The following C1orf21 variants were observed in gnomAD, a reference collection of about 807,000 sequenced individuals.
C1orf21 encodes chromosome 1 open reading frame 21.
A neutral mutation model predicts 18.7 loss-of-function variants in C1orf21; 3 were observed. The ratio of observed to expected loss-of-function variants is 0.16; its 90% CI spans 0.07 to 0.42. C1orf21 has a LOEUF of 0.42. C1orf21 is among the 10% of genes least tolerant of loss of function. C1orf21 has a pLI of 0.99. For missense variants in C1orf21, 104 were observed against 143.6 expected (o/e 0.72, Z 1.41); for synonymous variants, 41 against 46.4 (o/e 0.88, Z 0.47).
chr1:184,455,973 A>G (rs1657192052), intron 1 of C1orf21, among the ~76,000 whole-genome samples: 2 of 152,216 alleles, frequency 1.3e-5, no homozygotes, highest in South Asian at 4.1e-4. Flanking sequence ...TCATGTGAGT[A>G]TACAGTTGTA....
At chr1:184,612,230 C>G (rs1269579351) in intron 5 of C1orf21, among the ~76,000 whole-genome samples, 1 of 152,194 alleles carries the variant, frequency 6.6e-6, no homozygotes, top group African/African-American at 2.4e-5. Flanking sequence ...CCTGCTTTAT[C>G]ACAAGCATAA....
intron 3 of C1orf21, among the ~76,000 whole-genome samples, chr1:184,552,106 G>GC (rs1420901730): frequency 2.0e-5 from 3 of 152,046 alleles, no homozygotes; most frequent in African/African-American, 7.3e-5. Flanking sequence ...GATAAATACT[G>GC]CCCAGGAATA....
rs892689469 is a variant in C1orf21 at position 184,505,133 on chromosome 1, G to A, written c.95-2455G>A. 6.6e-5 allele frequency among the ~76,000 whole-genome samples: 10 copies of A among 151,784 alleles called. No homozygotes were observed. In the South Asian group the frequency reaches 1.5e-3, roughly 22 times the overall value. On this transcript the variant is annotated intron_variant, in intron 2 of 5. Transcript: ENST00000235307. ...TGCACTAGTCTGTGGCTTGGCAGAC[G>A]GGAGAGGACAGTGGGCAAGTGCAAG...
chr1:184,397,591 G>GAAA (rs140571615), intron 1 of C1orf21, among the ~76,000 whole-genome samples: 5 of 148,470 alleles, frequency 3.4e-5, no homozygotes, highest in Non-Finnish European at 6.0e-5. Context: ...GTCTGAAAAA[G>GAAA]AAAAAAAAAC....
chr1:184,559,502 C>T (rs978409439), intron 3 of C1orf21, among the ~76,000 whole-genome samples: 15 of 110,564 alleles, frequency 1.4e-4, no homozygotes, highest in Non-Finnish European at 2.2e-4. Flanking sequence ...TTCCTTCCTT[C>T]CCCCCTTCCT....
intron 3 of C1orf21, among the ~76,000 whole-genome samples, chr1:184,548,736 G>A (rs185829846): frequency 7.2e-5 from 11 of 152,230 alleles, no homozygotes; most frequent in African/African-American, 2.6e-4. Flanking sequence ...TTTGGAGAAG[G>A]AACTAAAGTA....
At chr1:184,448,446 C>T (rs1657067044) in intron 1 of C1orf21, among the ~76,000 whole-genome samples, 1 of 152,214 alleles carries the variant, frequency 6.6e-6, no homozygotes, top group South Asian at 2.1e-4. Context: ...TGCTGGAATC[C>T]TTGGGTGCTA....
At chr1:184,413,534 A>G (rs1656394597) in intron 1 of C1orf21, among the ~76,000 whole-genome samples, 1 of 152,202 alleles carries the variant, frequency 6.6e-6, no homozygotes, top group African/African-American at 2.4e-5. Context: ...GACCAGCTAT[A>G]GAGGTTGGCA....
intron 1 of C1orf21, among the ~76,000 whole-genome samples, chr1:184,468,111 T>C (rs1454080045): frequency 6.6e-6 from 1 of 152,192 alleles, no homozygotes; most frequent in East Asian, 1.9e-4. Context: ...GTTTTATGTT[T>C]ACTTTTTTTG....
chr1:184,611,856 A>G (rs1276095160), intron 5 of C1orf21, among the ~76,000 whole-genome samples: 2 of 152,178 alleles, frequency 1.3e-5, no homozygotes, highest in African/African-American at 2.4e-5. Context: ...GAGACTCAGA[A>G]CAGAGAGGAT....
intron 3 of C1orf21, among the ~76,000 whole-genome samples, chr1:184,559,897 G>A (rs1425828543): frequency 9.9e-5 from 15 of 152,004 alleles, no homozygotes; most frequent in Admixed American, 2.6e-4. Flanking sequence ...GATTACAGGC[G>A]TGAGCCACCG....
chr1:184,613,852 A>G (rs1659776818), intron 5 of C1orf21, among the ~76,000 whole-genome samples: 1 of 151,916 alleles, frequency 6.6e-6, no homozygotes, highest in South Asian at 2.1e-4. Context: ...CTGAGAAGGG[A>G]AGAGACTGTT....
intron 1 of C1orf21, among the ~76,000 whole-genome samples, chr1:184,437,925 G>T (rs1463847698): frequency 6.6e-6 from 1 of 152,032 alleles, no homozygotes; most frequent in African/African-American, 2.4e-5. Context: ...CCTCTCATGT[G>T]CAGTTCACAA....
At chr1:184,517,916 C>G (rs990669546) in intron 3 of C1orf21, among the ~76,000 whole-genome samples, 1 of 152,182 alleles carries the variant, frequency 6.6e-6, no homozygotes, top group Non-Finnish European at 1.5e-5. Flanking sequence ...GCCTGAACTT[C>G]TTCCAGATAA....
chr1:184,563,441 A>G (rs1304821253), intron 3 of C1orf21, among the ~76,000 whole-genome samples: 1 of 152,208 alleles, frequency 6.6e-6, no homozygotes. Flanking sequence ...ATCCTACCCC[A>G]AAGCACTACC....
chr1:184,541,422 C>T (rs1299990448), intron 3 of C1orf21, among the ~76,000 whole-genome samples: 1 of 152,234 alleles, frequency 6.6e-6, no homozygotes, highest in Non-Finnish European at 1.5e-5. Flanking sequence ...ACCTCGCCAT[C>T]TACCACATGC....
chr1:184,468,086 C>A (rs553600395), intron 1 of C1orf21, among the ~76,000 whole-genome samples: 1 of 152,106 alleles, frequency 6.6e-6, no homozygotes, highest in African/African-American at 2.4e-5. Flanking sequence ...CAAAGTCCTT[C>A]CCCCCAAAAA....
intron 1 of C1orf21, among the ~76,000 whole-genome samples, chr1:184,397,339 C>A (rs1351131592): frequency 6.6e-6 from 1 of 152,194 alleles, no homozygotes; most frequent in East Asian, 1.9e-4. Context: ...GTAATCCCAG[C>A]ACTTTAGGAG....
At chr1:184,568,022 GAACAA>G in intron 3 of C1orf21, among the ~76,000 whole-genome samples, 1 of 152,234 alleles carries the variant, frequency 6.6e-6, no homozygotes, top group East Asian at 1.9e-4. Flanking sequence ...ACAGCCACCA[GAACAA>G]GACACCCAGA....
Sources: gnomAD v4.1 joint callset for allele counts (sites outside exome capture counted in the v4.1 genomes callset) on GRCh38, gnomAD v4.1.1 for gene constraint, MANE v1.5 for transcripts, NCBI Gene and HGNC (gene_info 2026-07-23, HGNC 2026-07-21) for gene names.